SLC12A7: variants seen among roughly 807,000 people sequenced by gnomAD.
The protein encoded by SLC12A7 is solute carrier family 12 member 7.
SLC12A7 carries 100 observed loss-of-function variants against 120.6 expected under a neutral mutation model. The observed-to-expected ratio is 0.83, with a 90% CI of 0.71 to 0.98. The LOEUF is 0.98. SLC12A7 is among the 50% of genes least tolerant of loss of function. The pLI is 0.00. For missense variants in SLC12A7, 1,373 were observed against 1,548.1 expected (o/e 0.89, Z 1.90); for synonymous variants, 760 against 678.0 (o/e 1.12, Z -1.88).
the SLC12A7 span, among the ~76,000 whole-genome samples, chr5:1,137,975 T>G: frequency 1.3e-5 from 2 of 152,330 alleles, no homozygotes; most frequent in East Asian, 3.9e-4. Flanking sequence ...CCTGGGCTCC[T>G]GGTTCCTGAG....
intron 8 of SLC12A7, 69 bp from the exon 9 acceptor site, chr5:1,081,813 C>G (rs902114961): frequency 1.0e-5 from 16 of 1,546,470 alleles, no homozygotes; most frequent in Non-Finnish European, 1.4e-5. Flanking sequence ...TGGGGCCGCC[C>G]ACTCCCCGGC....
At chr5:1,149,609 G>A in the SLC12A7 span, among the ~76,000 whole-genome samples, 1,024 of 151,994 alleles carry the variant, frequency 6.7e-3, 16 homozygotes, top group African/African-American at 0.024. Context: ...ATAAAAATAA[G>A]AGCCATTCAA....
At chr5:1,080,134 A>G (rs946071356) in intron 9 of SLC12A7, among the ~76,000 whole-genome samples, 2 of 151,928 alleles carry the variant, frequency 1.3e-5, no homozygotes, top group African/African-American at 2.4e-5. Context: ...AGACACCCGG[A>G]GCCACGCAGA....
chr5:1,119,354 G>C, the SLC12A7 span, among the ~76,000 whole-genome samples: 4 of 152,192 alleles, frequency 2.6e-5, no homozygotes, highest in Non-Finnish European at 5.9e-5. Context: ...ACTCGTTAAA[G>C]GTGAGGACCC....
At chr5:1,125,268 A>AGTGTGT in the SLC12A7 span, among the ~76,000 whole-genome samples, 21,324 of 150,384 alleles carry the variant, frequency 0.14, 1,605 homozygotes, top group Non-Finnish European at 0.17. Flanking sequence ...TTTAAACGAA[A>AGTGTGT]GTGTGTGTGT....
intron 6 of SLC12A7, among the ~76,000 whole-genome samples, chr5:1,085,829 C>T (rs748352176): frequency 1.1e-4 from 17 of 152,224 alleles, no homozygotes; most frequent in Non-Finnish European, 1.8e-4. Flanking sequence ...TCCGCATGTC[C>T]GCACTCAAAA....
intron 12 of SLC12A7, among the ~76,000 whole-genome samples, chr5:1,077,513 T>TGGCA (rs766115772): frequency 1.1e-3 from 165 of 152,224 alleles, no homozygotes; most frequent in Non-Finnish European, 1.6e-3. Context: ...GAGAAAGATG[T>TGGCA]GGCAGGCAGG....
rs572055237 is a variant in SLC12A7 at position 1,054,294 on chromosome 5, G to GA, written c.3027-813_3027-812insT. Among the ~76,000 whole-genome samples, 8 of 152,370 alleles carry GA rather than the reference G, an allele frequency of 5.3e-5. No individual in the cohort carries two copies. The South Asian group carries it at 1.4e-3, about 28-fold the overall frequency. The stretch of plus-strand genomic sequence containing the variant: ...TCTGAAGCTGCTGTGGCCGGTCCAT[G>GA]TCTCAAAGCGTCCCTGGCGGCCTGG... On this transcript the variant is annotated intron_variant, in intron 22 of 23. Transcript: ENST00000264930.
At chr5:1,104,646 G>A (rs1238475513) in intron 1 of SLC12A7, among the ~76,000 whole-genome samples, 2 of 147,474 alleles carry the variant, frequency 1.4e-5, no homozygotes, top group African/African-American at 5.1e-5. Context: ...CGGACCCCAG[G>A]ACCACTCCCC....
intron 1 of SLC12A7, among the ~76,000 whole-genome samples, chr5:1,102,331 G>A (rs936533954): frequency 3.9e-5 from 6 of 152,176 alleles, no homozygotes; most frequent in African/African-American, 1.2e-4. Context: ...CTCCCTAATC[G>A]GCCCTAATCC....
intron 13 of SLC12A7, 128 bp from the exon 14 acceptor site, chr5:1,076,364 G>T: frequency 4.2e-6 from 2 of 472,122 alleles, no homozygotes; most frequent in Non-Finnish European, 6.5e-6. Context: ...GTCTGTCTCT[G>T]CACGTGAGCT....
chr5:1,134,114 G>C, the SLC12A7 span, among the ~76,000 whole-genome samples: 1 of 152,206 alleles, frequency 6.6e-6, no homozygotes. Context: ...TGTTGTGAGA[G>C]AACTGGGTGG....
intron 1 of SLC12A7, among the ~76,000 whole-genome samples, chr5:1,102,654 C>T (rs1025673430): frequency 3.3e-5 from 5 of 152,174 alleles, no homozygotes; most frequent in East Asian, 1.9e-4. Context: ...CACAGAGAGG[C>T]GCCGGGCCTG....
chr5:1,057,051 G>C (rs932596564), intron 22 of SLC12A7, among the ~76,000 whole-genome samples: 3 of 152,212 alleles, frequency 2.0e-5, no homozygotes, highest in Non-Finnish European at 4.4e-5. Context: ...TGGCCGCAGG[G>C]CTGACTTCAG....
At chr5:1,057,796 C>G in intron 21 of SLC12A7, 147 bp from the exon 22 acceptor site, 2 of 742,454 alleles carry the variant, frequency 2.7e-6, no homozygotes, top group South Asian at 3.7e-5. Flanking sequence ...TGGCGTCCCA[C>G]ACTGGTCCTG....
At chr5:1,062,000 G>A (rs527773931) in intron 20 of SLC12A7, among the ~76,000 whole-genome samples, 25 of 152,324 alleles carry the variant, frequency 1.6e-4, no homozygotes, top group Non-Finnish European at 2.8e-4. Flanking sequence ...CCCCTCTCCA[G>A]CCAGGTGGCA....
chr5:1,139,067 T>G, the SLC12A7 span, among the ~76,000 whole-genome samples: 1 of 150,612 alleles, frequency 6.6e-6, no homozygotes, highest in Non-Finnish European at 1.5e-5. Context: ...AAGCTTGGGG[T>G]GGGGGGGGGG....
chr5:1,079,508 G>C lies in SLC12A7; in HGVS notation c.1298-12C>G. ...ACCCGCCATGATACCTGTGAACATG[G>C]AAAATGCTGCAAAGACCCATCTGAG... On this transcript the variant is annotated splice_polypyrimidine_tract_variant and intron_variant, in intron 9 of 23. Coordinates refer to ENST00000264930, the MANE Select transcript of SLC12A7 (RefSeq NM_006598.3). 1.2e-6 allele frequency: 2 copies of C among 1,608,374 alleles called. No homozygotes were observed. Among genetic ancestry groups the C allele is most frequent in the Non-Finnish European group, 1.7e-6 (2 of 1,175,964 alleles).
At position 1,064,217 on chromosome 5, in the gene SLC12A7, G is replaced by A; in HGVS notation, c.2473C>T (p.Leu825=). ...GAGTCGACGTTCTTGGCCACCAGCA[G>A]AGCCTGGTGCGCGGCGGTGGTGTCG... The part of the protein sequence containing the change: ...VRDTTAAHQA[L]LVAKNVDSFP... The change falls in exon 19 of 24, where the codon CTG becomes TTG. Residue 825 remains leucine, a synonymous_variant. Transcript: ENST00000264930. 1 of 1,612,252 alleles carries A rather than the reference G, an allele frequency of 6.2e-7. No individual in the cohort carries two copies. Among genetic ancestry groups the A allele is most frequent in the South Asian group, 1.1e-5 (1 of 91,050 alleles).
Sources: gnomAD v4.1 joint callset for allele counts (sites outside exome capture counted in the v4.1 genomes callset) on GRCh38, gnomAD v4.1.1 for gene constraint, MANE v1.5 for transcripts, NCBI Gene and HGNC (gene_info 2026-07-23, HGNC 2026-07-21) for gene names.